The following TNRC6B variants were observed in gnomAD, a reference collection of about 807,000 sequenced individuals.
TNRC6B encodes trinucleotide repeat containing adaptor 6B.
Under a neutral mutation model 203.6 loss-of-function variants are expected in TNRC6B, and 52 were observed. The observed-to-expected ratio is 0.26, with a 90% CI of 0.20 to 0.32. The LOEUF (loss-of-function observed/expected upper bound fraction) is 0.32. Ranked by LOEUF, TNRC6B falls within the 10% of genes least tolerant of loss-of-function variation. TNRC6B has a pLI of 1.00. For missense variants in TNRC6B, 1,923 were observed against 2,286.2 expected, an observed-to-expected ratio of 0.84 and a Z score of 3.24; for synonymous variants, 838 against 845.7, an observed-to-expected ratio of 0.99 and a Z score of 0.16.
intron 1 of TNRC6B, among the ~76,000 whole-genome samples, chr22:40,190,593 C>T (rs1226733842): frequency 6.6e-6 from 1 of 152,154 alleles, no homozygotes; most frequent in Non-Finnish European, 1.5e-5. Flanking sequence ...CCCTTCTGTC[C>T]CTGTCTCAGG....
chr22:40,316,843 T>C (rs752888351), intron 21 of TNRC6B, among the ~76,000 whole-genome samples: 33 of 152,136 alleles, frequency 2.2e-4, no homozygotes, highest in Non-Finnish European at 4.3e-4. Flanking sequence ...TGAAAGTTAG[T>C]TTTATAAGCT....
At chr22:40,192,807 T>A (rs558629720) in intron 1 of TNRC6B, among the ~76,000 whole-genome samples, 1 of 152,104 alleles carries the variant, frequency 6.6e-6, no homozygotes, top group Non-Finnish European at 1.5e-5. Context: ...ACAGCAGGGG[T>A]AGAAGGCAAT....
chr22:40,261,225 GC>G (rs1366826291), intron 3 of TNRC6B, among the ~76,000 whole-genome samples: 1 of 152,050 alleles, frequency 6.6e-6, no homozygotes, highest in African/African-American at 2.4e-5. Context: ...GGTAGAAGTT[GC>G]AGCAAGCCAA....
At chr22:40,213,146 C>T (rs1013168935) in intron 1 of TNRC6B, among the ~76,000 whole-genome samples, 3 of 152,120 alleles carry the variant, frequency 2.0e-5, no homozygotes, top group Non-Finnish European at 2.9e-5. Context: ...AAACTCCTGC[C>T]ACACCTGGAG....
Position 40,322,946 on chromosome 22 carries a change from C to T in TNRC6B, c.5207C>T (p.Ala1736Val). 2 of 1,613,604 alleles carry T rather than the reference C, an allele frequency of 1.2e-6. No individual in the cohort carries two copies. The highest frequency in any genetic ancestry group is 8.5e-7 in the Non-Finnish European group (1 of 1,179,698). The change falls in exon 23 of 23, where the codon GCA becomes GTA. Residue 1736 changes from alanine (A) to valine (V), a missense_variant. This residue lies in a region of TNRC6B where 126 missense variants were observed against 137.5 expected (regional missense o/e 0.92). Coordinates refer to ENST00000454349, the MANE Select transcript of TNRC6B (RefSeq NM_001162501.2). ...GCACAAGCTCAGCCCCCTACACCTG[C>T]AGCAACCCCAAGTGCGCCAGCTGCG... ...FLAQAQPPTP[A>V]ATPSAPAAGW...
chr22:40,100,167 A>G (rs963471807), intron 1 of TNRC6B, among the ~76,000 whole-genome samples: 1 of 151,458 alleles, frequency 6.6e-6, no homozygotes, highest in African/African-American at 2.4e-5. Context: ...GCTTACTGCA[A>G]TCTCCACCTT....
intron 1 of TNRC6B, among the ~76,000 whole-genome samples, chr22:40,100,464 G>T (rs543539472): frequency 2.6e-5 from 4 of 151,822 alleles, no homozygotes; most frequent in African/African-American, 7.3e-5. Context: ...CTGCAGCCTC[G>T]AACTCCTAGG....
chr22:40,220,810 AG>A (rs2069697511), intron 1 of TNRC6B, among the ~76,000 whole-genome samples: 1 of 152,132 alleles, frequency 6.6e-6, no homozygotes, highest in Non-Finnish European at 1.5e-5. Flanking sequence ...TTTAGGAAAA[AG>A]GAAATTGGTG....
At chr22:40,175,044 G>A (rs2146372750), upstream of TNRC6B, among the ~76,000 whole-genome samples, 1 of 152,192 alleles carries the variant, frequency 6.6e-6, no homozygotes, top group East Asian at 1.9e-4. Flanking sequence ...GCATAGAAAA[G>A]ATGATGTGGA....
chr22:40,181,594 G>A (rs2069129877), intron 1 of TNRC6B, among the ~76,000 whole-genome samples: 1 of 152,162 alleles, frequency 6.6e-6, no homozygotes, highest in Non-Finnish European at 1.5e-5. Context: ...CAAGTTCCTG[G>A]TTACAGAAGT....
At chr22:40,187,333 C>T (rs937316101) in intron 1 of TNRC6B, among the ~76,000 whole-genome samples, 4 of 152,100 alleles carry the variant, frequency 2.6e-5, no homozygotes, top group African/African-American at 9.7e-5. Context: ...TTAGAAGGGT[C>T]AAATCTCTAA....
At chr22:40,301,403 C>T (rs1213634364) in intron 15 of TNRC6B, 70 bp downstream of exon 15, 2 of 1,447,490 alleles carry the variant, frequency 1.4e-6, no homozygotes, top group Non-Finnish European at 1.9e-6. Flanking sequence ...GGGGTTGCAC[C>T]TGCATTACCC....
chr22:40,226,697 C>T (rs1481328180), intron 1 of TNRC6B, among the ~76,000 whole-genome samples: 1 of 152,170 alleles, frequency 6.6e-6, no homozygotes, highest in African/African-American at 2.4e-5. Flanking sequence ...TTTGAATTCA[C>T]TTATTTTTTG....
At chr22:40,063,484 C>T (rs892073865) in intron 1 of TNRC6B, among the ~76,000 whole-genome samples, 3 of 152,206 alleles carry the variant, frequency 2.0e-5, no homozygotes, top group African/African-American at 7.2e-5. Context: ...TAGAAATGTG[C>T]TGAACTTACA....
chr22:40,142,284 A>G (rs2146339015), intron 3 of TNRC6B, among the ~76,000 whole-genome samples: 1 of 149,604 alleles, frequency 6.7e-6, no homozygotes, highest in Non-Finnish European at 1.5e-5. Context: ...CTGGTCTCGA[A>G]CTCCTGGCCT....
At chr22:40,091,868 T>G (rs2068153672) in intron 1 of TNRC6B, among the ~76,000 whole-genome samples, 1 of 152,112 alleles carries the variant, frequency 6.6e-6, no homozygotes, top group South Asian at 2.1e-4. Flanking sequence ...AACTGGCCCG[T>G]GTATGGGTGT....
At chr22:40,314,395 C>T (rs2071228830) in intron 19 of TNRC6B, among the ~76,000 whole-genome samples, 1 of 152,170 alleles carries the variant, frequency 6.6e-6, no homozygotes. Context: ...TTTACTATCA[C>T]AGTAGTTTAA....
intron 1 of TNRC6B, among the ~76,000 whole-genome samples, chr22:40,090,630 C>T (rs1350371094): frequency 6.6e-6 from 1 of 152,108 alleles, no homozygotes; most frequent in Non-Finnish European, 1.5e-5. Context: ...CAGTCTTTGA[C>T]TTATCTTCTC....
intron 1 of TNRC6B, among the ~76,000 whole-genome samples, chr22:40,056,364 A>G (rs1234720174): frequency 1.3e-5 from 2 of 152,256 alleles, no homozygotes; most frequent in Non-Finnish European, 2.9e-5. Flanking sequence ...TGATCTACAT[A>G]ACAAAGGGCT....
Sources: allele counts gnomAD v4.1 joint callset (sites outside exome capture counted in the v4.1 genomes callset), GRCh38; gene constraint gnomAD v4.1.1; regional missense constraint gnomAD v4.1.1; transcripts MANE v1.5; gene names NCBI Gene and HGNC (gene_info 2026-07-23, HGNC 2026-07-21).